Variants in PPP4R4 observed in about 807,000 individuals in gnomAD.
PPP4R4 encodes the protein serine/threonine-protein phosphatase 4 regulatory subunit 4.
Under a neutral mutation model 121.8 loss-of-function variants are expected in PPP4R4, and 70 were observed. The observed-to-expected ratio is 0.57, with a 90% CI of 0.47 to 0.70. PPP4R4 has a LOEUF of 0.70. Ranked by LOEUF, PPP4R4 falls within the 30% of genes least tolerant of loss-of-function variation. PPP4R4 has a pLI of 0.00. For missense variants in PPP4R4, 875 were observed against 1,033.6 expected, an observed-to-expected ratio of 0.85 and a Z score of 2.10; for synonymous variants, 348 against 355.7, an observed-to-expected ratio of 0.98 and a Z score of 0.24.
At chr14:94,179,181 C>T (rs2057282) in intron 2 of PPP4R4, among the ~76,000 whole-genome samples, 116,215 of 152,082 alleles carry the variant, frequency 0.76, 45,257 homozygotes, top group Admixed American at 0.84. Flanking sequence ...TAGAACATTT[C>T]CATCACCCCC....
intron 2 of PPP4R4, among the ~76,000 whole-genome samples, chr14:94,181,719 A>G (rs1224596750): frequency 1.3e-5 from 2 of 152,166 alleles, no homozygotes; most frequent in African/African-American, 4.8e-5. Context: ...TGTGTTTTAA[A>G]AGTTTTGTTC....
intron 19 of PPP4R4, among the ~76,000 whole-genome samples, chr14:94,260,145 C>G (rs935318413): frequency 1.1e-4 from 17 of 152,140 alleles, no homozygotes; most frequent in African/African-American, 3.9e-4. Flanking sequence ...AAAAAAATGG[C>G]CGGGTGTGGT....
chr14:94,201,379 T>C (rs1890169540), intron 2 of PPP4R4, among the ~76,000 whole-genome samples: 1 of 152,186 alleles, frequency 6.6e-6, no homozygotes, highest in South Asian at 2.1e-4. Flanking sequence ...ATTGTTGCCT[T>C]GTTGACTTTA....
intron 8 of PPP4R4, among the ~76,000 whole-genome samples, chr14:94,239,564 T>A (rs984959130): frequency 2.0e-5 from 3 of 152,028 alleles, no homozygotes; most frequent in African/African-American, 7.2e-5. Flanking sequence ...CACCAGGGGT[T>A]GGCAAACTAT....
intron 3 of PPP4R4, among the ~76,000 whole-genome samples, chr14:94,208,904 A>G (rs1379124494): frequency 2.0e-5 from 3 of 151,910 alleles, no homozygotes; most frequent in African/African-American, 7.2e-5. Flanking sequence ...TATTAATAGT[A>G]TTTGTATAAC....
intron 22 of PPP4R4, 41 bp from the exon 23 acceptor site, chr14:94,266,918 G>T (rs1481394546): frequency 7.8e-7 from 1 of 1,278,280 alleles, no homozygotes; most frequent in Admixed American, 1.8e-5. Flanking sequence ...ATTGTAAGAA[G>T]TGTGTTTTTG....
At position 94,244,617 on chromosome 14, in the gene PPP4R4, T is replaced by C; in HGVS notation, c.1267-18T>C. On this transcript the variant is annotated intron_variant, in intron 11 of 24. Transcript: ENST00000304338. ...TCTAGTACTCTCAAATCTGAGAGACTTTATTGCTATATTTTAGGTATCTAA... is the reference window on the plus strand; with the variant it reads ...TCTAGTACTCTCAAATCTGAGAGACCTTATTGCTATATTTTAGGTATCTAA... 1 of 1,467,558 alleles carries C rather than the reference T, an allele frequency of 6.8e-7. No homozygotes were observed. The allele number at this position is 1,467,558 out of a possible 1,614,324, so 90.9% of individuals were successfully genotyped here. A position where few individuals can be genotyped will look rare whatever the true frequency, so the allele number is the denominator to read the frequency against.
chr14:94,259,797 A>G (rs1893677235), intron 19 of PPP4R4, among the ~76,000 whole-genome samples: 1 of 152,218 alleles, frequency 6.6e-6, no homozygotes, highest in Admixed American at 6.5e-5. Context: ...AAATGGAATC[A>G]TATATTAGGT....
At position 94,237,676 on chromosome 14, in the gene PPP4R4, A is replaced by G; in HGVS notation, c.843A>G (p.Ile281Met). Residue 281 changes from isoleucine (I) to methionine (M), a missense_variant, in exon 8 of 25, where the codon ATA becomes ATG. Transcript: ENST00000304338. ...AFETLVNLLD[I>M]FDTDDRSQTI... is the part of the protein sequence containing the mutation. ...AAACTTTGGTTAATCTGCTTGATAT[A>G]TTTGATACAGGTAAATCATGTGGCT... is the stretch of plus-strand genomic sequence containing the variant. 1 of 1,612,064 alleles carries G rather than the reference A, an allele frequency of 6.2e-7. No individual in the cohort carries two copies. The highest frequency in any genetic ancestry group is 8.5e-7 in the Non-Finnish European group (1 of 1,178,188).
chr14:94,185,755 A>G (rs1327641768), intron 2 of PPP4R4, among the ~76,000 whole-genome samples: 3 of 152,200 alleles, frequency 2.0e-5, no homozygotes, highest in Admixed American at 6.5e-5. Context: ...TTTCCTCTCT[A>G]GATCAGTTTT....
chr14:94,251,876 T>G lies in PPP4R4; in HGVS notation c.1845T>G (p.His615Gln), dbSNP rs1490896803. 2 of 1,586,018 alleles carry G rather than the reference T, an allele frequency of 1.3e-6. No homozygotes were observed. Among genetic ancestry groups the G allele is most frequent in the South Asian group, 2.3e-5 (2 of 86,772 alleles). Residue 615 changes from histidine to glutamine, a missense_variant, in exon 16 of 25, where the codon CAT becomes CAG. Coordinates refer to ENST00000304338, the MANE Select transcript of PPP4R4 (RefSeq NM_058237.2). ...TTCTACCTGCTATTGAACTGACACA[T>G]GATCCAGTAGCAAATGTGAGGTATG... ...YFFLPAIELT[H>Q]DPVANVRMKL...
intron 2 of PPP4R4, among the ~76,000 whole-genome samples, chr14:94,201,290 G>A (rs562213389): frequency 3.3e-5 from 5 of 152,284 alleles, no homozygotes; most frequent in Admixed American, 6.5e-5. Flanking sequence ...TGAATAGAAA[G>A]TGTGTTCTTC....
intron 10 of PPP4R4, 117 bp from the exon 11 acceptor site, chr14:94,242,172 A>T: frequency 7.6e-7 from 1 of 1,319,434 alleles, no homozygotes; most frequent in Non-Finnish European, 1.0e-6. Context: ...TATGATTTTT[A>T]GTTAAATTAC....
At chr14:94,201,934 G>GTATATATATAAATATATATATATACA (rs1555448558) in intron 2 of PPP4R4, among the ~76,000 whole-genome samples, 2 of 147,658 alleles carry the variant, frequency 1.4e-5, no homozygotes, top group Non-Finnish European at 3.0e-5. Flanking sequence ...ATGTGTGTGT[G>GTATATATATAAATATATATATATACA]TATATATATA....
Position 94,208,445 on chromosome 14 carries a change from T to C in PPP4R4, c.192-19T>C. 1 of 1,564,268 alleles carries C rather than the reference T, an allele frequency of 6.4e-7. No homozygotes were observed. ...TCAGCTTATAATTATAAATTTTAAA[T>C]TTGTGTTTTCTTTGTAAGTGCTGGT... On this transcript the variant is annotated intron_variant, in intron 2 of 24. Coordinates refer to ENST00000304338, the MANE Select transcript of PPP4R4 (RefSeq NM_058237.2).
At chr14:94,210,832 C>T (rs979988448) in intron 3 of PPP4R4, among the ~76,000 whole-genome samples, 2 of 152,112 alleles carry the variant, frequency 1.3e-5, no homozygotes, top group African/African-American at 2.4e-5. Context: ...ATAATGTAGA[C>T]AGCCAAACAT....
At chr14:94,227,768 G>A (rs1374394899) in intron 3 of PPP4R4, 5 of 992,068 alleles carry the variant, frequency 5.0e-6, no homozygotes, top group Middle Eastern at 5.1e-4. Flanking sequence ...TGGAATGTAC[G>A]TTGTGGCCCT....
At chr14:94,202,323 A>C (rs1223932386) in intron 2 of PPP4R4, among the ~76,000 whole-genome samples, 1 of 152,206 alleles carries the variant, frequency 6.6e-6, no homozygotes, top group African/African-American at 2.4e-5. Context: ...TTAGATACGA[A>C]TCTAAGAAAA....
chr14:94,225,420 C>G (rs1169811564), intron 3 of PPP4R4, among the ~76,000 whole-genome samples: 1 of 151,698 alleles, frequency 6.6e-6, no homozygotes, highest in Admixed American at 6.6e-5. Context: ...TCTCTGACAG[C>G]CTTGCGGAGT....
Sources: gnomAD v4.1 joint callset for allele counts (sites outside exome capture counted in the v4.1 genomes callset) on GRCh38, gnomAD v4.1.1 for gene constraint, MANE v1.5 for transcripts, NCBI Gene and HGNC (gene_info 2026-07-23, HGNC 2026-07-21) for gene names.